ATP6V0A1: variants seen among roughly 807,000 people sequenced by gnomAD.
ATP6V0A1 encodes the protein ATPase H+ transporting V0 subunit a1.
Under a neutral mutation model 105.4 loss-of-function variants are expected in ATP6V0A1, and 43 were observed. That is an observed-to-expected ratio of 0.41 (90% CI 0.32 to 0.53). The LOEUF is 0.53. Among genes scored for constraint, ATP6V0A1 ranks in the 20% least tolerant of loss-of-function variants. The pLI is 0.30. For synonymous variants in ATP6V0A1, 362 were observed against 372.8 expected (o/e 0.97, Z 0.33); for missense variants, 676 against 1,051.1 (o/e 0.64, Z 4.93).
intron 14 of ATP6V0A1, 122 bp from the exon 15 acceptor site, chr17:42,498,802 G>T (rs1383939318): frequency 1.6e-5 from 10 of 624,708 alleles, no homozygotes; most frequent in Non-Finnish European, 5.4e-6. Context: ...CTCCAGCCTG[G>T]GTGACAGAGC....
intron 3 of ATP6V0A1, among the ~76,000 whole-genome samples, chr17:42,467,719 G>T (rs2087286993): frequency 6.6e-6 from 1 of 152,154 alleles, no homozygotes; most frequent in African/African-American, 2.4e-5. Flanking sequence ...TGGAGGAGAG[G>T]TGTGGCCTTG....
chr17:42,502,112 A>G (rs573961684), intron 17 of ATP6V0A1, among the ~76,000 whole-genome samples: 14 of 152,338 alleles, frequency 9.2e-5, no homozygotes, highest in African/African-American at 2.9e-4. Flanking sequence ...TCAGAGAAAC[A>G]TGTCTGCTGC....
In ATP6V0A1 at chr17:42,507,608, A is replaced by G. The variant is rs1325316506; in HGVS notation, c.2093A>G (p.His698Arg). The change falls in exon 18 of 22, where the codon CAC becomes CGC. Residue 698 changes from histidine to arginine, a missense_variant. Physicochemically the swap from His to Arg is conservative, Grantham distance 29. Coordinates refer to ENST00000343619, the MANE Select transcript of ATP6V0A1 (RefSeq NM_001130021.3). ...ATTCAGCATGACCAGCTCTCCACCC[A>G]CTCAGAGGACGCAGACGAGGTAAGA... ...EIIQHDQLST[H>R]SEDADEPSED... The G allele has an allele frequency of 1.2e-6, 2 of 1,613,676 alleles. No homozygotes were observed. Among genetic ancestry groups the G allele is most frequent in the Admixed American group, 1.7e-5 (1 of 59,988 alleles).
chr17:42,468,880 C>T (rs1299608725), intron 4 of ATP6V0A1, among the ~76,000 whole-genome samples: 2 of 151,996 alleles, frequency 1.3e-5, no homozygotes, highest in South Asian at 2.1e-4. Context: ...TGAGACATAG[C>T]TATCACCTAG....
chr17:42,491,293 T>A (rs978527950), intron 11 of ATP6V0A1, among the ~76,000 whole-genome samples: 6 of 152,132 alleles, frequency 3.9e-5, no homozygotes, highest in African/African-American at 7.2e-5. Context: ...ATCCTAGCAC[T>A]GTTTTTTTAA....
intron 5 of ATP6V0A1, 157 bp downstream of exon 5, chr17:42,470,375 T>G: frequency 1.1e-6 from 1 of 905,802 alleles, no homozygotes; most frequent in Non-Finnish European, 1.7e-6. Context: ...TTATGTTCCA[T>G]TTTTCATGCA....
intron 19 of ATP6V0A1, among the ~76,000 whole-genome samples, chr17:42,512,899 C>T (rs1007352721): frequency 2.6e-5 from 4 of 152,324 alleles, no homozygotes; most frequent in Admixed American, 6.5e-5. Context: ...CTGGGCTCTG[C>T]GGGGGGAAGC....
At chr17:42,514,513 G>A (rs747933365) in intron 21 of ATP6V0A1, 53 bp downstream of exon 21, 121 of 1,481,360 alleles carry the variant, frequency 8.2e-5, no homozygotes, top group Non-Finnish European at 1.1e-4. Context: ...CCTTAGCTGC[G>A]GTGAGAGGGC....
At chr17:42,513,090 A>G (rs2092429158) in intron 19 of ATP6V0A1, among the ~76,000 whole-genome samples, 1 of 152,206 alleles carries the variant, frequency 6.6e-6, no homozygotes, top group Non-Finnish European at 1.5e-5. Flanking sequence ...TCTGGAAATA[A>G]TTCTTGGTAT....
At position 42,487,217 on chromosome 17, in the gene ATP6V0A1, T is replaced by C; in HGVS notation, c.873T>C (p.Arg291=). ...TGCAGGCAGCTGCTAAGAACATCCG[T>C]GTCTGGTTCATCAAAGTGCGGAAGA... ...RVLQAAAKNI[R]VWFIKVRKMK... is the part of the protein sequence containing the mutation. The change falls in exon 10 of 22, where the codon CGT becomes CGC. Residue 291 remains arginine, a synonymous_variant. Transcript: ENST00000343619. 1 of 1,614,176 alleles carries C rather than the reference T, an allele frequency of 6.2e-7. No homozygotes were observed. The highest frequency in any genetic ancestry group is 1.1e-5 in the South Asian group (1 of 91,086).
At chr17:42,493,831 T>A (rs1283173479) in intron 11 of ATP6V0A1, among the ~76,000 whole-genome samples, 4 of 152,108 alleles carry the variant, frequency 2.6e-5, no homozygotes, top group African/African-American at 9.7e-5. Flanking sequence ...AAAAAAGTTA[T>A]CAGTAGCTCA....
chr17:42,506,146 C>A (rs2092010576), intron 17 of ATP6V0A1, among the ~76,000 whole-genome samples: 1 of 152,176 alleles, frequency 6.6e-6, no homozygotes, highest in Non-Finnish European at 1.5e-5. Context: ...AGTGGGATTG[C>A]TGAATCTCAA....
In ATP6V0A1 at chr17:42,522,177, C is replaced by G. The variant is rs866936744; in HGVS notation, c.*1057C>G. 2.6e-5 allele frequency: 4 copies of G among 152,500 alleles called. No homozygotes were observed. The highest frequency in any genetic ancestry group is 9.6e-5 in the African/African-American group (4 of 41,466). 9.4% of individuals were successfully genotyped at this position (152,500 alleles called of 1,614,324 possible). ...GCCGTGCATGTGGCTGTGAGGGCTG[C>G]ACAGTCCTGCCAAGGGGCTTCCTCC... On this transcript the variant is annotated 3_prime_UTR_variant, in exon 22 of 22. Transcript: ENST00000343619.
At chr17:42,516,213 C>T (rs1359775931) in intron 21 of ATP6V0A1, among the ~76,000 whole-genome samples, 3 of 152,202 alleles carry the variant, frequency 2.0e-5, no homozygotes, top group Non-Finnish European at 2.9e-5. Flanking sequence ...GAAACTCATT[C>T]CCCACTCCCC....
intron 15 of ATP6V0A1, 87 bp from the exon 16 acceptor site, chr17:42,500,620 G>C: frequency 2.8e-6 from 3 of 1,087,722 alleles, no homozygotes; most frequent in South Asian, 2.8e-5. Context: ...GGGGTATTAA[G>C]TAGAAAAATC....
At chr17:42,490,388 G>A (rs557908836) in intron 10 of ATP6V0A1, 99 bp from the exon 11 acceptor site, 3 of 1,039,252 alleles carry the variant, frequency 2.9e-6, no homozygotes, top group Non-Finnish European at 4.0e-6. Flanking sequence ...TACATTTTAT[G>A]TGTACCATTT....
At chr17:42,485,130 A>G (rs1054143120) in intron 9 of ATP6V0A1, among the ~76,000 whole-genome samples, 2 of 152,098 alleles carry the variant, frequency 1.3e-5, no homozygotes, top group African/African-American at 4.8e-5. Context: ...GATTACAGGT[A>G]TGAGCCACCG....
At chr17:42,487,021 C>T (rs2090172114) in intron 9 of ATP6V0A1, 134 bp from the exon 10 acceptor site, 4 of 795,602 alleles carry the variant, frequency 5.0e-6, no homozygotes, top group South Asian at 1.8e-5. Context: ...AAAAAGAAAC[C>T]ATTCTAGCCA....
At chr17:42,506,163 C>T (rs978970938) in intron 17 of ATP6V0A1, among the ~76,000 whole-genome samples, 3 of 152,158 alleles carry the variant, frequency 2.0e-5, no homozygotes, top group African/African-American at 7.2e-5. Context: ...TCAAAGGGTT[C>T]ATGCATTTAA....
Sources: allele counts gnomAD v4.1 joint callset (sites outside exome capture counted in the v4.1 genomes callset), GRCh38; gene constraint gnomAD v4.1.1; transcripts MANE v1.5; gene names NCBI Gene and HGNC (gene_info 2026-07-23, HGNC 2026-07-21).